The following NDST4 variants were observed in gnomAD, a reference collection of about 807,000 sequenced individuals.
NDST4 encodes the protein N-heparan sulfate sulfotransferase 4.
In NDST4, 63 loss-of-function variants were observed where a neutral mutation model predicts 100.8. The ratio of observed to expected loss-of-function variants is 0.62; its 90% CI spans 0.51 to 0.77. NDST4 has a LOEUF of 0.77. NDST4 is among the 30% of genes least tolerant of loss of function. The pLI is 0.00. For missense variants in NDST4, 943 were observed against 1,018.4 expected (o/e 0.93, Z 1.01); for synonymous variants, 377 against 361.8 (o/e 1.04, Z -0.48).
intron 4 of NDST4, among the ~76,000 whole-genome samples, chr4:114,958,356 C>T (rs2126235036): frequency 6.8e-6 from 1 of 147,974 alleles, no homozygotes; most frequent in Non-Finnish European, 1.5e-5. Context: ...CAAGAGTCAC[C>T]TTTATTACAG....
intron 6 of NDST4, among the ~76,000 whole-genome samples, chr4:114,913,839 A>G (rs1430234107): frequency 6.6e-6 from 1 of 151,802 alleles, no homozygotes; most frequent in Admixed American, 6.6e-5. Context: ...TAATTTATAT[A>G]TAAATAAATA....
chr4:115,101,417 C>T (rs986708494), intron 1 of NDST4, among the ~76,000 whole-genome samples: 1 of 151,634 alleles, frequency 6.6e-6, no homozygotes, highest in Admixed American at 6.6e-5. Flanking sequence ...GAAAAAAAAC[C>T]CTAATATTGA....
chr4:114,909,211 G>T (rs1475966558), intron 6 of NDST4, among the ~76,000 whole-genome samples: 2 of 152,078 alleles, frequency 1.3e-5, no homozygotes, highest in African/African-American at 4.8e-5. Flanking sequence ...TAATGACCAA[G>T]ATAATTAAAA....
At chr4:114,910,410 GGTGTCTGTGTGCCTGTGTGTATGT>G (rs1231575828) in intron 6 of NDST4, among the ~76,000 whole-genome samples, 1 of 152,114 alleles carries the variant, frequency 6.6e-6, no homozygotes. Flanking sequence ...CTAGAGAACA[GGTGTCTGTGTGCCTGTGTGTATGT>G]GTGTCTGTGT....
intron 2 of NDST4, among the ~76,000 whole-genome samples, chr4:115,045,751 T>C (rs1728451657): frequency 1.3e-5 from 2 of 152,114 alleles, no homozygotes; most frequent in South Asian, 4.2e-4. Flanking sequence ...TTTATATTTT[T>C]AGTTCGAGGT....
chr4:114,943,500 G>T (rs569066500), intron 4 of NDST4, among the ~76,000 whole-genome samples: 121 of 152,210 alleles, frequency 7.9e-4, no homozygotes, highest in Non-Finnish European at 1.1e-3. Flanking sequence ...ACTGAGATTG[G>T]TTAGGTACGT....
chr4:115,059,850 C>T (rs1289073643), intron 2 of NDST4, among the ~76,000 whole-genome samples: 1 of 151,508 alleles, frequency 6.6e-6, no homozygotes, highest in Admixed American at 6.6e-5. Context: ...GCTCTTATAA[C>T]TTTTATAATA....
intron 3 of NDST4, among the ~76,000 whole-genome samples, chr4:114,971,577 C>T (rs1448510449): frequency 6.6e-6 from 1 of 152,038 alleles, no homozygotes; most frequent in Non-Finnish European, 1.5e-5. Context: ...TACTACTTAA[C>T]TGTGTAAATA....
chr4:114,977,396 G>C (rs1248707559), intron 2 of NDST4, 122 bp from the exon 3 acceptor site: 1 of 595,588 alleles, frequency 1.7e-6, no homozygotes, highest in East Asian at 2.8e-5. Context: ...GTTTTTGATG[G>C]GTACTGTTAT....
chr4:114,922,916 A>G (rs1398485119), intron 6 of NDST4, among the ~76,000 whole-genome samples: 1 of 152,230 alleles, frequency 6.6e-6, no homozygotes, highest in Non-Finnish European at 1.5e-5. Context: ...ATATGACTCT[A>G]TTTGTGTAAA....
chr4:114,843,646 G>A (rs887778757), intron 10 of NDST4, among the ~76,000 whole-genome samples: 39 of 152,096 alleles, frequency 2.6e-4, no homozygotes, highest in African/African-American at 9.2e-4. Context: ...CTAATGGTTT[G>A]ATTTTTTAGC....
At chr4:114,872,143 A>G (rs530509301) in intron 6 of NDST4, among the ~76,000 whole-genome samples, 2 of 152,162 alleles carry the variant, frequency 1.3e-5, no homozygotes, top group South Asian at 4.1e-4. Flanking sequence ...GATACTAGCC[A>G]TGCAATAAAG....
At chr4:115,006,031 C>CAAAAAAAAAAAAAAA (rs33988343) in intron 2 of NDST4, among the ~76,000 whole-genome samples, 2 of 99,480 alleles carry the variant, frequency 2.0e-5, no homozygotes, top group African/African-American at 3.8e-5. Context: ...GACTCTATCT[C>CAAAAAAAAAAAAAAA]AAAAAAAAAA....
chr4:114,920,304 A>T (rs750893298), intron 6 of NDST4, among the ~76,000 whole-genome samples: 5 of 152,136 alleles, frequency 3.3e-5, no homozygotes, highest in Non-Finnish European at 5.9e-5. Flanking sequence ...CCATGTAGGA[A>T]GCTCTGTCTA....
intron 6 of NDST4, 37 bp downstream of exon 6, chr4:114,935,169 C>A: frequency 7.1e-7 from 1 of 1,416,044 alleles, no homozygotes; most frequent in Non-Finnish European, 9.3e-7. Context: ...TTTAAAAATG[C>A]TAATCTTATT....
intron 2 of NDST4, among the ~76,000 whole-genome samples, chr4:114,980,253 T>G (rs279517): frequency 0.87 from 131,880 of 152,240 alleles, 57,601 homozygotes; most frequent in African/African-American, 0.91. Flanking sequence ...GAAATAAAGT[T>G]TCTCAATTTG....
At chr4:115,087,254 C>T (rs775906874) in intron 1 of NDST4, among the ~76,000 whole-genome samples, 1 of 151,922 alleles carries the variant, frequency 6.6e-6, no homozygotes, top group Non-Finnish European at 1.5e-5. Flanking sequence ...TGAAACCAGA[C>T]AGGCTATCTA....
intron 2 of NDST4, among the ~76,000 whole-genome samples, chr4:115,062,427 C>T (rs1328094963): frequency 6.6e-6 from 1 of 151,714 alleles, no homozygotes; most frequent in Non-Finnish European, 1.5e-5. Flanking sequence ...ATACAAACTT[C>T]TAGAGGTGAC....
intron 7 of NDST4, among the ~76,000 whole-genome samples, chr4:114,859,486 C>T (rs995409916): frequency 1.3e-5 from 2 of 152,122 alleles, no homozygotes; most frequent in Admixed American, 6.6e-5. Context: ...TGAAACTGAG[C>T]GTGTACAGAG....
Sources: gnomAD v4.1 joint callset for allele counts (sites outside exome capture counted in the v4.1 genomes callset) on GRCh38, gnomAD v4.1.1 for gene constraint, MANE v1.5 for transcripts, NCBI Gene and HGNC (gene_info 2026-07-23, HGNC 2026-07-21) for gene names.